ROBO3: variants seen among roughly 807,000 people sequenced by gnomAD.
The protein encoded by ROBO3 is roundabout guidance receptor 3.
ROBO3 carries 97 observed loss-of-function variants against 160.5 expected under a neutral mutation model. That is an observed-to-expected ratio of 0.60 (90% confidence interval 0.51 to 0.72). The LOEUF is 0.72. ROBO3 is among the 30% of genes least tolerant of loss of function. The pLI is 0.00. For missense variants in ROBO3, 1,858 were observed against 1,846.5 expected, an observed-to-expected ratio of 1.01 and a Z score of -0.11; for synonymous variants, 780 against 746.2, an observed-to-expected ratio of 1.05 and a Z score of -0.74.
chr11:124,877,082 G>C, intron 17 of ROBO3, 79 bp from the exon 18 acceptor site: 1 of 1,492,696 alleles, frequency 6.7e-7, no homozygotes, highest in Non-Finnish European at 9.3e-7. Flanking sequence ...CGGGGCCTAG[G>C]CGTGGACAAG....
In ROBO3 at chr11:124,865,945, A is replaced by G. The variant is rs1208811761; in HGVS notation, c.160+208A>G. 6.6e-6 allele frequency among the ~76,000 whole-genome samples: 1 copy of G among 152,076 alleles called. No homozygotes were observed. Among genetic ancestry groups the G allele is most frequent in the Non-Finnish European group, 1.5e-5 (1 of 68,028 alleles). ...CCGCGGGAGGTCGAGGGCTTGGGAG[A>G]AGATGGCTACTGAGTCTTTTTACAC... On this transcript the variant is annotated intron_variant, in intron 1 of 27. Coordinates refer to ENST00000397801, the MANE Select transcript of ROBO3 (RefSeq NM_022370.4). This position sits in a 1 kb window ranked among gnomAD's most constrained non-coding sequence, Gnocchi z 5.5.
rs1366058101 is a variant in ROBO3, at chr11:124,876,347, G to A, written c.2666G>A (p.Arg889Gln). 7.0e-7 allele frequency: 1 copy of A among 1,435,842 alleles called. No homozygotes were observed. Among genetic ancestry groups the A allele is most frequent in the South Asian group, 1.5e-5 (1 of 67,764 alleles). The allele number at this position is 1,435,842 out of a possible 1,614,324, so 88.9% of individuals were successfully genotyped here. A position where few individuals can be genotyped will look rare whatever the true frequency, so the allele number is the denominator to read the frequency against. ...GLAVRLARVL[R>Q]EPAFLAGSGA... ...GCGGTGCGGCTGGCGAGGGTGCTGCGGGAGCCCGCCTTCCTCGCGGGCAGC... is the reference window on the plus strand; with the variant it reads ...GCGGTGCGGCTGGCGAGGGTGCTGCAGGAGCCCGCCTTCCTCGCGGGCAGC... Residue 889 changes from arginine (R) to glutamine (Q), a missense_variant, in exon 17 of 28, where the codon CGG becomes CAG. Physicochemically the swap from Arg to Gln is conservative, Grantham distance 43. Coordinates refer to ENST00000397801, the MANE Select transcript of ROBO3 (RefSeq NM_022370.4). This position sits in a 1 kb window ranked among gnomAD's most constrained non-coding sequence, Gnocchi z 5.3.
Position 124,869,862 on chromosome 11 carries a change from TACATATGTATATAC to T in ROBO3, c.646-79_646-66del. 6.8e-7 allele frequency: 1 copy of T among 1,481,286 alleles called. No individual in the cohort carries two copies. The highest frequency in any genetic ancestry group is 9.2e-7 in the Non-Finnish European group (1 of 1,084,704). 91.8% of individuals were successfully genotyped at this position (1,481,286 alleles called of 1,614,324 possible). On this transcript the variant is annotated intron_variant, in intron 3 of 27. Transcript: ENST00000397801. The surrounding 1 kb of genome is among the most constrained non-coding windows in gnomAD (Gnocchi z 4.2). ...TGCTGTGAGGATCAAATAAACTTTATACATATGTATATACACATATATTCACCATATATATATAC... is the reference window on the plus strand; with the variant it reads ...TGCTGTGAGGATCAAATAAACTTTATACATATATTCACCATATATATATAC...
chr11:124,865,539 G>T lies in ROBO3; in HGVS notation c.-39G>T. 1 of 1,599,976 alleles carries T rather than the reference G, an allele frequency of 6.3e-7. No homozygotes were observed. On this transcript the variant is annotated 5_prime_UTR_variant, in exon 1 of 28. Coordinates refer to ENST00000397801, the MANE Select transcript of ROBO3 (RefSeq NM_022370.4). The surrounding 1 kb of genome is among the most constrained non-coding windows in gnomAD (Gnocchi z 5.5). ...CACGGGTCTCAGACCCAGGGGCTGG[G>T]CCCCCAGCCCCCAGTCCCGATCCCA...
In ROBO3 at chr11:124,880,587, GC is replaced by G. The variant is rs1179797341; in HGVS notation, c.4130del (p.Pro1377GlnfsTer42). On this transcript the variant is annotated frameshift_variant, in exon 27 of 28. Coordinates refer to ENST00000397801, the MANE Select transcript of ROBO3 (RefSeq NM_022370.4). LOFTEE classifies it high-confidence loss of function. The part of the protein sequence containing the change: ...RSQSRSQSQR[P>X]GQKRREEPR Reference sequence around the variant, plus strand: ...GTCAGAGCCGGAGCCAGAGCCAAAGGCCAGGACAGAAACGCCGAGAGGTAGG... The same window carrying G: ...GTCAGAGCCGGAGCCAGAGCCAAAGGCAGGACAGAAACGCCGAGAGGTAGG... The G allele has an allele frequency of 1.3e-6, 2 of 1,549,518 alleles. No homozygotes were observed. Among genetic ancestry groups the G allele is most frequent in the Admixed American group, 3.9e-5 (2 of 50,792 alleles).
chr11:124,873,987 C>G lies in ROBO3; in HGVS notation c.1785-83C>G, dbSNP rs572670059. ...TCTTGCAAGGGGAAGACATAATGGT[C>G]GTTCATAGAGAGTGGATGAGATGGA... On this transcript the variant is annotated intron_variant, in intron 11 of 27. Transcript: ENST00000397801. This position sits in a 1 kb window ranked among gnomAD's most constrained non-coding sequence, Gnocchi z 4.5. 2 of 1,586,794 alleles carry G rather than the reference C, an allele frequency of 1.3e-6. No homozygotes were observed.
rs1425115879 is a variant in ROBO3, at chr11:124,876,927, T to G, written c.2780-234T>G. On this transcript the variant is annotated intron_variant, in intron 17 of 27. Transcript: ENST00000397801. This position sits in a 1 kb window ranked among gnomAD's most constrained non-coding sequence, Gnocchi z 5.3. ...ACGTCTCTGGAGAGATTCTGAGGTG[T>G]TTGAGGTCAGTGGTTTTCAATCTTG... The G allele has an allele frequency of 3.2e-6, 2 of 620,120 alleles. No homozygotes were observed. The highest frequency in any genetic ancestry group is 2.7e-5 in the East Asian group (1 of 36,466). The allele number at this position is 620,120 out of a possible 1,614,324, so 38.4% of individuals were successfully genotyped here.
chr11:124,870,687 G>A lies in ROBO3; in HGVS notation c.992G>A (p.Ser331Asn). The A allele has an allele frequency of 4.3e-6, 7 of 1,612,886 alleles. No individual in the cohort carries two copies. The highest frequency in any genetic ancestry group is 5.9e-6 in the Non-Finnish European group (7 of 1,179,546). Residue 331 changes from serine (S) to asparagine (N), a missense_variant, in exon 6 of 28, where the codon AGT (serine) becomes AAT (asparagine). Ser to Asn is a conservative substitution (Grantham distance 46). Transcript: ENST00000397801. ...ACGTACACCTGTGTGGCGGAGAACA[G>A]TGTGGGCCGCGCTGAAGCATCTGGC... ...EGTYTCVAEN[S>N]VGRAEASGSL... is the part of the protein sequence containing the mutation.
Position 124,879,844 on chromosome 11 carries a change from T to C in ROBO3, c.3854T>C (p.Leu1285Pro). The C allele has an allele frequency of 6.2e-7, 1 of 1,613,782 alleles. No individual in the cohort carries two copies. The highest frequency in any genetic ancestry group is 8.5e-7 in the Non-Finnish European group (1 of 1,179,822). Residue 1285 changes from leucine (L) to proline (P), a missense_variant, in exon 26 of 28, where the codon CTG becomes CCG. Transcript: ENST00000397801. ...PEEEASWALE[L>P]RAAGSMSSLE... ...GAAGAGGCGAGCTGGGCCCTAGAGC[T>C]GAGGGCAGCAGGCAGCATGTCCTCC...
Position 124,865,446 on chromosome 11 carries a change from C to A in ROBO3, c.-132C>A, listed in dbSNP as rs1405368707. On this transcript the variant is annotated 5_prime_UTR_variant, in exon 1 of 28. Transcript: ENST00000397801. This position sits in a 1 kb window ranked among gnomAD's most constrained non-coding sequence, Gnocchi z 5.5. ...AGGCACCGACCGTACCCAGGCGCAC[C>A]GGCAGGAGAGCGGCACCGTGGCTGC... The A allele has an allele frequency of 9.2e-6, 8 of 870,324 alleles. No individual in the cohort carries two copies. Among genetic ancestry groups the A allele is most frequent in the Non-Finnish European group, 1.2e-5 (7 of 575,328 alleles). The allele number at this position is 870,324 out of a possible 1,614,324, so 53.9% of individuals were successfully genotyped here.
chr11:124,879,315 C>A lies in ROBO3; in HGVS notation c.3659C>A (p.Ala1220Asp). 1.2e-6 allele frequency: 2 copies of A among 1,608,820 alleles called. No homozygotes were observed. Among genetic ancestry groups the A allele is most frequent in the Admixed American group, 1.7e-5 (1 of 59,542 alleles). The part of the protein sequence containing the change: ...AASPHLSPSP[A>D]PSTASSAPGR... Reference sequence around the variant, plus strand: ...TCACCCCACCTCAGCCCCAGTCCTGCCCCTAGCACAGCCAGCAGTGCCCCA... The same window carrying A: ...TCACCCCACCTCAGCCCCAGTCCTGACCCTAGCACAGCCAGCAGTGCCCCA... Residue 1220 changes from alanine (A) to aspartate (D), a missense_variant, in exon 24 of 28, where the codon GCC (alanine) becomes GAC (aspartate). Transcript: ENST00000397801.
chr11:124,877,422 C>T, intron 19 of ROBO3, 97 bp from the exon 20 acceptor site: 2 of 1,589,848 alleles, frequency 1.3e-6, no homozygotes, highest in Non-Finnish European at 8.6e-7. Context: ...CCCAACACCA[C>T]CGCCACTGTC....
In ROBO3 at chr11:124,874,051, C is replaced by A; in HGVS notation, c.1785-19C>A. 1 of 1,613,538 alleles carries A rather than the reference C, an allele frequency of 6.2e-7. No homozygotes were observed. The highest frequency in any genetic ancestry group is 1.1e-5 in the South Asian group (1 of 91,024). On this transcript the variant is annotated intron_variant, in intron 11 of 27. Transcript: ENST00000397801. ...GAGTTCCTGGCTTAGACAACCCTGT[C>A]ATCTCCTTCTTGTTGTAGCCCAGCA...
In ROBO3 at chr11:124,869,799, G is replaced by A; in HGVS notation, c.646-149G>A. ...ATGATGCCCCAGGAACTTCCCATTT[G>A]ATATGTGGGTCAACTTCCTTGGTCT... On this transcript the variant is annotated intron_variant, in intron 3 of 27. Coordinates refer to ENST00000397801, the MANE Select transcript of ROBO3 (RefSeq NM_022370.4). The surrounding 1 kb of genome is among the most constrained non-coding windows in gnomAD (Gnocchi z 4.2). 1 of 1,282,420 alleles carries A rather than the reference G, an allele frequency of 7.8e-7. No individual in the cohort carries two copies. Among genetic ancestry groups the A allele is most frequent in the Admixed American group, 2.2e-5 (1 of 45,498 alleles). The allele number at this position is 1,282,420 out of a possible 1,614,324, so 79.4% of individuals were successfully genotyped here.
At chr11:124,875,746 A>C in intron 15 of ROBO3, 61 bp downstream of exon 15, 1 of 1,549,448 alleles carries the variant, frequency 6.5e-7, no homozygotes. Flanking sequence ...GGGAGGACCT[A>C]GTGGCTAGAA....
In ROBO3 at chr11:124,873,339, G is replaced by A. The variant is rs762190285; in HGVS notation, c.1566G>A (p.Val522=). 5.0e-5 allele frequency: 80 copies of A among 1,612,070 alleles called. 1 individual carries two copies. The Middle Eastern group carries it at 8.3e-4, about 17-fold the overall frequency. Residue 522 remains valine (V), a synonymous_variant, in exon 10 of 28, where the codon GTG becomes GTA. Coordinates refer to ENST00000397801, the MANE Select transcript of ROBO3 (RefSeq NM_022370.4). The surrounding 1 kb of genome is among the most constrained non-coding windows in gnomAD (Gnocchi z 4.5). ...TGGACATGGGCTTCTACAGCTGCGT[G>A]GCCAAGAGTTCCACAGGGGAAGCCA... ...QEMDMGFYSC[V]AKSSTGEATW...
Position 124,876,222 on chromosome 11 carries a change from C to G in ROBO3, c.2594-53C>G. The G allele has an allele frequency of 2.0e-6, 3 of 1,502,722 alleles. No individual in the cohort carries two copies. The highest frequency in any genetic ancestry group is 2.6e-6 in the Non-Finnish European group (3 of 1,134,028). 93.1% of individuals were successfully genotyped at this position (1,502,722 alleles called of 1,614,324 possible). A position where few individuals can be genotyped will look rare whatever the true frequency, so the allele number is the denominator to read the frequency against. ...CCTGCCGGGTCGGGAATGACCCTTTCCCAGTTCCAGGGTTTCGGGCCCCTC... is the reference window on the plus strand; with the variant it reads ...CCTGCCGGGTCGGGAATGACCCTTTGCCAGTTCCAGGGTTTCGGGCCCCTC... On this transcript the variant is annotated intron_variant, in intron 16 of 27. Coordinates refer to ENST00000397801, the MANE Select transcript of ROBO3 (RefSeq NM_022370.4). The surrounding 1 kb of genome is among the most constrained non-coding windows in gnomAD (Gnocchi z 5.3).
intron 27 of ROBO3, 146 bp downstream of exon 27, chr11:124,880,754 C>T (rs1380911517): frequency 1.6e-5 from 20 of 1,258,986 alleles, no homozygotes; most frequent in Non-Finnish European, 1.9e-5. Flanking sequence ...GGGAGGAATC[C>T]TGTAGAAGTG....
Position 124,872,440 on chromosome 11 carries a change from A to G in ROBO3, c.1218A>G (p.Arg406=). The G allele has an allele frequency of 6.2e-7, 1 of 1,613,994 alleles. No individual in the cohort carries two copies. Among genetic ancestry groups the G allele is most frequent in the Non-Finnish European group, 8.5e-7 (1 of 1,179,896 alleles). The change falls in exon 8 of 28, where the codon AGA becomes AGG. Residue 406 remains arginine (R), a synonymous_variant. Coordinates refer to ENST00000397801, the MANE Select transcript of ROBO3 (RefSeq NM_022370.4). This position sits in a 1 kb window ranked among gnomAD's most constrained non-coding sequence, Gnocchi z 4.3. ...QPTGRFSVSP[R]GQLNITAVQR... ...CGGGGCGCTTCTCAGTGTCTCCAAG[A>G]GGCCAACTTAACATCACCGCGGTGC...
Sources: gnomAD v4.1 joint callset for allele counts (sites outside exome capture counted in the v4.1 genomes callset) on GRCh38, gnomAD v4.1.1 for gene constraint, Gnocchi (gnomAD v3.1) non-coding constraint, MANE v1.5 for transcripts, NCBI Gene and HGNC (gene_info 2026-07-23, HGNC 2026-07-21) for gene names.